The following DOCK5 variants were observed in gnomAD, a reference collection of about 807,000 sequenced individuals.
DOCK5 encodes dedicator of cytokinesis protein 5.
A neutral mutation model predicts 251.8 loss-of-function variants in DOCK5; 142 were observed. The observed-to-expected ratio is 0.56, with a 90% CI of 0.49 to 0.65. The LOEUF is 0.65. Ranked by LOEUF, DOCK5 falls within the 30% of genes least tolerant of loss-of-function variation. DOCK5 has a pLI of 0.00. For synonymous variants in DOCK5, 842 were observed against 835.5 expected (o/e 1.01, Z -0.13); for missense variants, 2,111 against 2,312.3 (o/e 0.91, Z 1.79).
At chr8:25,401,663 G>A (rs2117336409) in intron 47 of DOCK5, among the ~76,000 whole-genome samples, 1 of 151,574 alleles carries the variant, frequency 6.6e-6, no homozygotes, top group Admixed American at 6.6e-5. Context: ...GTACCCAGGA[G>A]GCGGAGGTTT....
intron 1 of DOCK5, among the ~76,000 whole-genome samples, chr8:25,220,944 C>T (rs766373656): frequency 4.6e-5 from 7 of 151,820 alleles, no homozygotes; most frequent in South Asian, 2.1e-4. Context: ...TCCTGTCTCC[C>T]GTGGGAGTGG....
chr8:25,376,532 T>C (rs1299954663), intron 37 of DOCK5: 2 of 306,010 alleles, frequency 6.5e-6, no homozygotes, highest in Non-Finnish European at 9.6e-6. Context: ...TTGATTGCTC[T>C]TCTTTTTCAG....
At chr8:25,333,516 G>C (rs1408008228) in intron 20 of DOCK5, among the ~76,000 whole-genome samples, 1 of 152,198 alleles carries the variant, frequency 6.6e-6, no homozygotes, top group African/African-American at 2.4e-5. Context: ...ACAGATTCCT[G>C]AGGGACATAG....
intron 1 of DOCK5, among the ~76,000 whole-genome samples, chr8:25,207,434 G>C (rs533613642): frequency 6.6e-6 from 1 of 152,154 alleles, no homozygotes; most frequent in Admixed American, 6.5e-5. Flanking sequence ...AGTCAGTGAC[G>C]GGCATCAAAG....
chr8:25,191,286 G>A (rs1801576534), intron 1 of DOCK5, among the ~76,000 whole-genome samples: 1 of 152,090 alleles, frequency 6.6e-6, no homozygotes, highest in South Asian at 2.1e-4. Context: ...GTGCGATATG[G>A]CCACCGATGG....
chr8:25,272,682 T>C (rs553542575), intron 3 of DOCK5, among the ~76,000 whole-genome samples: 11 of 152,156 alleles, frequency 7.2e-5, no homozygotes, highest in Non-Finnish European at 1.5e-4. Flanking sequence ...AGTTTTGGAC[T>C]TTTTTTATTG....
At chr8:25,288,970 A>C (rs750666402) in intron 5 of DOCK5, among the ~76,000 whole-genome samples, 1 of 152,194 alleles carries the variant, frequency 6.6e-6, no homozygotes, top group Non-Finnish European at 1.5e-5. Context: ...GTGTTTTTTT[A>C]AGATCAGTGG....
chr8:25,364,046 T>G (rs1254628766), intron 29 of DOCK5, among the ~76,000 whole-genome samples: 1 of 152,214 alleles, frequency 6.6e-6, no homozygotes, highest in Admixed American at 6.5e-5. Context: ...AACTGTGTCT[T>G]TCAACACAGA....
At chr8:25,313,370 T>A (rs557475030) in intron 13 of DOCK5, among the ~76,000 whole-genome samples, 1 of 152,176 alleles carries the variant, frequency 6.6e-6, no homozygotes, top group Non-Finnish European at 1.5e-5. Context: ...TTTTCTAGCC[T>A]AGCGATCAAC....
chr8:25,237,092 C>T (rs1216412751), intron 1 of DOCK5, among the ~76,000 whole-genome samples: 1 of 152,152 alleles, frequency 6.6e-6, no homozygotes, highest in Non-Finnish European at 1.5e-5. Context: ...CTTGGCCGGA[C>T]TGGATGTCCC....
At chr8:25,389,855 C>A (rs554070649) in intron 41 of DOCK5, among the ~76,000 whole-genome samples, 1 of 152,118 alleles carries the variant, frequency 6.6e-6, no homozygotes, top group Non-Finnish European at 1.5e-5. Context: ...TGCCTGGGCT[C>A]TGATTCTGGT....
intron 13 of DOCK5, 149 bp from the exon 14 acceptor site, chr8:25,316,858 C>T: frequency 3.3e-6 from 3 of 908,100 alleles, no homozygotes; most frequent in South Asian, 2.0e-5. Flanking sequence ...CTGAAGACAG[C>T]AAACGCATAT....
intron 4 of DOCK5, 65 bp from the exon 5 acceptor site, chr8:25,278,504 T>TC: frequency 6.6e-7 from 1 of 1,508,796 alleles, no homozygotes; most frequent in Non-Finnish European, 9.2e-7. Flanking sequence ...GGAAGTCTGA[T>TC]CCCCATCAAG....
chr8:25,277,330 C>T (rs927516545), intron 4 of DOCK5: 3 of 152,918 alleles, frequency 2.0e-5, no homozygotes, highest in Admixed American at 6.6e-5. Flanking sequence ...TTCTAATTTC[C>T]GTGTTGTTAC....
At chr8:25,336,129 A>T in intron 21 of DOCK5, 110 bp from the exon 22 acceptor site, 1 of 1,177,178 alleles carries the variant, frequency 8.5e-7, no homozygotes, top group Non-Finnish European at 1.2e-6. Flanking sequence ...AGATATAATT[A>T]GTTATGACTT....
At chr8:25,284,480 G>A (rs1221935069) in intron 5 of DOCK5, among the ~76,000 whole-genome samples, 1 of 152,172 alleles carries the variant, frequency 6.6e-6, no homozygotes, top group African/African-American at 2.4e-5. Flanking sequence ...CAGAAGGGGT[G>A]GGCAGATAAT....
chr8:25,312,032 T>C (rs989876968), intron 13 of DOCK5, among the ~76,000 whole-genome samples: 4 of 152,278 alleles, frequency 2.6e-5, no homozygotes, highest in South Asian at 2.1e-4. Flanking sequence ...CTACATGTAG[T>C]GGGTCTTAAA....
rs201631581 is a variant in DOCK5 at position 25,229,774 on chromosome 8, G to C, written c.44-13900G>C. Among the ~76,000 whole-genome samples the C allele has an allele frequency of 9.2e-5, 14 of 152,020 alleles. No homozygotes were observed. In the East Asian group the frequency reaches 2.7e-3, roughly 29 times the overall value. ...GAATGTTTCATTTGTTTATTTGATTGATTATCATTCCTTCATTGCATAAAA... is the reference window on the plus strand; with the variant it reads ...GAATGTTTCATTTGTTTATTTGATTCATTATCATTCCTTCATTGCATAAAA... On this transcript the variant is annotated intron_variant, in intron 1 of 51. Coordinates refer to ENST00000276440, the MANE Select transcript of DOCK5 (RefSeq NM_024940.8).
chr8:25,220,486 T>G (rs562250597), intron 1 of DOCK5, among the ~76,000 whole-genome samples: 26 of 152,342 alleles, frequency 1.7e-4, no homozygotes, highest in Admixed American at 1.7e-3. Context: ...AGGACACACC[T>G]GCTGCTAGGG....
Sources: gnomAD v4.1 joint callset for allele counts (sites outside exome capture counted in the v4.1 genomes callset) on GRCh38, gnomAD v4.1.1 for gene constraint, MANE v1.5 for transcripts, NCBI Gene and HGNC (gene_info 2026-07-23, HGNC 2026-07-21) for gene names.